Variants in RPTOR observed in about 807,000 individuals in gnomAD.
The protein encoded by RPTOR is regulatory associated protein of MTOR complex 1.
Under a neutral mutation model 169.9 loss-of-function variants are expected in RPTOR, and 21 were observed. The observed-to-expected ratio is 0.12, with a 90% confidence interval of 0.09 to 0.18. The LOEUF (loss-of-function observed/expected upper bound fraction) is 0.18, where lower values mean the gene tolerates loss of function less well. Ranked by LOEUF, RPTOR falls within the 10% of genes least tolerant of loss-of-function variation. RPTOR has a pLI of 1.00. For synonymous variants in RPTOR, 732 were observed against 753.2 expected, an observed-to-expected ratio of 0.97 and a Z score of 0.46; for missense variants, 1,133 against 1,855.9, an observed-to-expected ratio of 0.61 and a Z score of 7.16.
intron 6 of RPTOR, among the ~76,000 whole-genome samples, chr17:80,763,247 A>C (rs1423028143): frequency 6.6e-6 from 1 of 151,204 alleles, no homozygotes; most frequent in Non-Finnish European, 1.5e-5. Flanking sequence ...CCCAGTCTCT[A>C]AAAAAAAATA....
chr17:80,948,026 C>T (rs1369611107), intron 27 of RPTOR, among the ~76,000 whole-genome samples: 1 of 152,236 alleles, frequency 6.6e-6, no homozygotes, highest in Non-Finnish European at 1.5e-5. Flanking sequence ...GCTTTGAAAA[C>T]ACGTGTCCAT....
At chr17:80,930,375 CCCCAGCTCAGCTCAGCTCATT>C (rs2068874351) in intron 24 of RPTOR, among the ~76,000 whole-genome samples, 5 of 30,120 alleles carry the variant, frequency 1.7e-4, no homozygotes, top group Admixed American at 3.9e-4. Flanking sequence ...CTCAGCTCAT[CCCCAGCTCAGCTCAGCTCATT>C]CTCAGCTCAT....
intron 5 of RPTOR, chr17:80,743,502 C>A (rs542484414): frequency 1.0e-6 from 1 of 969,698 alleles, no homozygotes; most frequent in South Asian, 4.8e-5. Flanking sequence ...GCAGCGCGTT[C>A]GGAGTGCTGG....
Position 80,964,633 on chromosome 17 carries a change from G to A in RPTOR, c.*303G>A, listed in dbSNP as rs192833782. ...CTCCTGTTCTGTGTTTCTCTGAGAC[G>A]CTGAAAGGGGAAACACCTCACTTTA... On this transcript the variant is annotated 3_prime_UTR_variant, in exon 34 of 34. Coordinates refer to ENST00000306801, the MANE Select transcript of RPTOR (RefSeq NM_020761.3). The A allele has an allele frequency of 1.6e-5, 7 of 450,182 alleles. No homozygotes were observed. Among genetic ancestry groups the A allele is most frequent in the Admixed American group, 7.3e-5 (2 of 27,544 alleles). 27.9% of individuals were successfully genotyped at this position (450,182 alleles called of 1,614,324 possible). A position where few individuals can be genotyped will look rare whatever the true frequency, so the allele number is the denominator to read the frequency against.
chr17:80,652,119 G>A (rs1015197328), intron 3 of RPTOR, among the ~76,000 whole-genome samples: 7 of 151,264 alleles, frequency 4.6e-5, no homozygotes, highest in African/African-American at 1.2e-4. Flanking sequence ...GTAGTAAGCC[G>A]AGATCACGCC....
intron 1 of RPTOR, among the ~76,000 whole-genome samples, chr17:80,567,423 C>T (rs2143290432): frequency 6.6e-6 from 1 of 152,222 alleles, no homozygotes; most frequent in Non-Finnish European, 1.5e-5. Flanking sequence ...GTACTGCTCT[C>T]CCCCGTCCTT....
chr17:80,713,148 A>T (rs1434659738), intron 4 of RPTOR, among the ~76,000 whole-genome samples: 2 of 152,116 alleles, frequency 1.3e-5, no homozygotes, highest in African/African-American at 4.8e-5. Flanking sequence ...GGCTCACTGC[A>T]ACCTCTGCCT....
intron 3 of RPTOR, among the ~76,000 whole-genome samples, chr17:80,685,354 C>T (rs1235122366): frequency 6.6e-6 from 1 of 151,878 alleles, no homozygotes; most frequent in Non-Finnish European, 1.5e-5. Context: ...TGGCTCACTA[C>T]AGCCTCGACC....
At chr17:80,813,045 C>G (rs1252843894) in intron 7 of RPTOR, among the ~76,000 whole-genome samples, 1 of 152,242 alleles carries the variant, frequency 6.6e-6, no homozygotes, top group Non-Finnish European at 1.5e-5. Flanking sequence ...GCCCAGCTGA[C>G]AGAGAGGCCG....
chr17:80,899,456 T>G (rs1438305014), intron 20 of RPTOR, among the ~76,000 whole-genome samples: 1 of 152,272 alleles, frequency 6.6e-6, no homozygotes, highest in Non-Finnish European at 1.5e-5. Context: ...TATTCTGTTT[T>G]GATTACACAT....
At chr17:80,610,509 G>A (rs2065262568) in intron 1 of RPTOR, among the ~76,000 whole-genome samples, 1 of 152,144 alleles carries the variant, frequency 6.6e-6, no homozygotes. Context: ...GGGCGTTTAT[G>A]AACTGGTGTG....
chr17:80,722,163 G>A (rs1338837929), intron 4 of RPTOR, among the ~76,000 whole-genome samples: 1 of 150,658 alleles, frequency 6.6e-6, no homozygotes, highest in African/African-American at 2.5e-5. Context: ...GCACGTTCTT[G>A]GCATGTTGCA....
intron 13 of RPTOR, among the ~76,000 whole-genome samples, chr17:80,858,348 C>T (rs896525074): frequency 7.2e-5 from 11 of 152,382 alleles, no homozygotes; most frequent in African/African-American, 2.6e-4. Flanking sequence ...CTCAACCCTG[C>T]ACAGGTGGTC....
At chr17:80,815,603 C>G (rs1268738547) in intron 7 of RPTOR, among the ~76,000 whole-genome samples, 1 of 152,268 alleles carries the variant, frequency 6.6e-6, no homozygotes, top group Non-Finnish European at 1.5e-5. Flanking sequence ...GCTTAACGAG[C>G]TGCCGGGAGC....
chr17:80,938,941 C>T (rs2068988789), intron 24 of RPTOR, among the ~76,000 whole-genome samples: 1 of 152,226 alleles, frequency 6.6e-6, no homozygotes, highest in African/African-American at 2.4e-5. Flanking sequence ...ACGGAGAAAC[C>T]GTTTTCTTTC....
chr17:80,867,451 A>G (rs1323469325), intron 13 of RPTOR, among the ~76,000 whole-genome samples: 1 of 152,114 alleles, frequency 6.6e-6, no homozygotes, highest in Non-Finnish European at 1.5e-5. Flanking sequence ...AGCCAACACC[A>G]TACAGTGGTG....
chr17:80,832,737 C>T (rs2067519801), intron 9 of RPTOR, among the ~76,000 whole-genome samples: 1 of 152,190 alleles, frequency 6.6e-6, no homozygotes, highest in African/African-American at 2.4e-5. Context: ...ATGCCCAGAG[C>T]TCTCTCCTCC....
At chr17:80,961,100 GC>G (rs1413333824) in intron 30 of RPTOR, 4 of 428,958 alleles carry the variant, frequency 9.3e-6, no homozygotes, top group South Asian at 1.1e-4. Flanking sequence ...TGGCCGCCTG[GC>G]CCCCGTCTCT....
chr17:80,838,615 C>G (rs781269086), intron 10 of RPTOR, among the ~76,000 whole-genome samples: 8 of 152,340 alleles, frequency 5.3e-5, no homozygotes, highest in Non-Finnish European at 1.2e-4. Flanking sequence ...TCCAGAAACC[C>G]GTGAGGAAAG....
Sources: gnomAD v4.1 joint callset for allele counts (sites outside exome capture counted in the v4.1 genomes callset) on GRCh38, gnomAD v4.1.1 for gene constraint, MANE v1.5 for transcripts, NCBI Gene and HGNC (gene_info 2026-07-23, HGNC 2026-07-21) for gene names.